Variants in CRADD observed in about 807,000 individuals in gnomAD.
CRADD encodes CARD and death domain containing adaptor protein, also known as death domain-containing protein CRADD.
CRADD carries 9 observed loss-of-function variants against 15.5 expected under a neutral mutation model. The observed-to-expected ratio is 0.58, with a 90% CI of 0.35 to 1.01. CRADD has a LOEUF of 1.01. Ranked by LOEUF, CRADD falls within the 50% of genes least tolerant of loss-of-function variation. The pLI, the probability that CRADD is intolerant of heterozygous loss-of-function variation, is 0.02. For synonymous variants in CRADD, 118 were observed against 107.6 expected (o/e 1.10, Z -0.60); for missense variants, 227 against 250.3 (o/e 0.91, Z 0.63).
At chr12:93,682,745 A>C (rs1955344779) in intron 2 of CRADD, among the ~76,000 whole-genome samples, 1 of 152,314 alleles carries the variant, frequency 6.6e-6, no homozygotes, top group East Asian at 1.9e-4. Flanking sequence ...CAAAACATAC[A>C]AAAACACCCT....
chr12:93,750,798 T>G (rs1834498709), intron 2 of CRADD, among the ~76,000 whole-genome samples: 1 of 152,220 alleles, frequency 6.6e-6, no homozygotes, highest in Admixed American at 6.5e-5. Flanking sequence ...TTATCCAAGT[T>G]ACCTAATTAT....
chr12:93,735,489 C>A (rs1326635096), intron 2 of CRADD: 1 of 152,252 alleles, frequency 6.6e-6, no homozygotes, highest in East Asian at 1.9e-4. Flanking sequence ...ATGTTTATAT[C>A]CTCAAAGAGA....
At chr12:93,740,876 C>T (rs1226357855) in intron 2 of CRADD, among the ~76,000 whole-genome samples, 2 of 152,072 alleles carry the variant, frequency 1.3e-5, no homozygotes, top group Non-Finnish European at 2.9e-5. Context: ...CTTTTAAAAG[C>T]TGTTTGACTT....
intron 2 of CRADD, chr12:93,738,058 C>T: frequency 2.2e-6 from 1 of 464,020 alleles, no homozygotes; most frequent in Non-Finnish European, 3.7e-6. Flanking sequence ...TAAACAGGTC[C>T]CTTTCTATTC....
At chr12:93,820,564 A>G (rs1276363217) in intron 2 of CRADD, among the ~76,000 whole-genome samples, 1 of 150,812 alleles carries the variant, frequency 6.6e-6, no homozygotes, top group African/African-American at 2.4e-5. Flanking sequence ...AAAAAAAAAG[A>G]AAAAAAAGCA....
rs114751951 is a variant in CRADD at position 93,844,238 on chromosome 12, G to A, written c.299-5732G>A. On this transcript the variant is annotated intron_variant, in intron 2 of 2. Transcript: ENST00000332896. ...TTTGAGAAGTAGTAGCCAGATGGTC[G>A]CAGTGGATTAATTTATGGCTTGACC... is the stretch of plus-strand genomic sequence containing the variant. Among the ~76,000 whole-genome samples, 625 of 152,242 alleles carry A rather than the reference G, an allele frequency of 4.1e-3. 8 individuals carry two copies. The highest frequency in any genetic ancestry group is 0.014 in the African/African-American group (590 of 41,544).
intron 2 of CRADD, among the ~76,000 whole-genome samples, chr12:93,747,186 A>T (rs182586806): frequency 1.3e-5 from 2 of 152,304 alleles, no homozygotes; most frequent in East Asian, 3.9e-4. Context: ...CCTATTAAGG[A>T]AGCCAATAAG....
intron 2 of CRADD, among the ~76,000 whole-genome samples, chr12:93,885,107 G>C (rs1414659134): frequency 1.3e-5 from 2 of 152,102 alleles, no homozygotes; most frequent in African/African-American, 4.8e-5. Context: ...CCTGTTTTTC[G>C]TATAAGGAAA....
chr12:93,791,895 A>ATT (rs34088777), intron 2 of CRADD, among the ~76,000 whole-genome samples: 47 of 137,200 alleles, frequency 3.4e-4, no homozygotes, highest in African/African-American at 1.2e-3. Flanking sequence ...GTCCTAATGG[A>ATT]TTTTTTTTTT....
rs369262273 is a variant in CRADD, at chr12:93,771,031, T to A, written c.299-78939T>A. On this transcript the variant is annotated intron_variant, in intron 2 of 2. Coordinates refer to ENST00000332896, the MANE Select transcript of CRADD (RefSeq NM_003805.5). Reference sequence around the variant, plus strand: ...GAAAGTTTTATGTTTTAGTTATTTATCTTCAACATAATTCTTTCCAATGGC... The same window carrying A: ...GAAAGTTTTATGTTTTAGTTATTTAACTTCAACATAATTCTTTCCAATGGC... Among the ~76,000 whole-genome samples, 17 of 152,368 alleles carry A rather than the reference T, an allele frequency of 1.1e-4. No homozygotes were observed. The East Asian group carries it at 1.7e-3, about 16-fold the overall frequency.
intron 2 of CRADD, among the ~76,000 whole-genome samples, chr12:93,712,190 C>G (rs527750367): frequency 2.0e-4 from 31 of 152,208 alleles, no homozygotes; most frequent in African/African-American, 7.5e-4. Flanking sequence ...GTACATACTT[C>G]GTAGAGTTGT....
chr12:93,782,467 A>T (rs1214154311), intron 2 of CRADD, among the ~76,000 whole-genome samples: 2 of 152,068 alleles, frequency 1.3e-5, no homozygotes, highest in Non-Finnish European at 2.9e-5. Flanking sequence ...CATTGTGCAC[A>T]TGTACCTTAA....
intron 2 of CRADD, among the ~76,000 whole-genome samples, chr12:93,798,484 G>T (rs543081962): frequency 4.6e-5 from 7 of 152,208 alleles, no homozygotes; most frequent in African/African-American, 1.7e-4. Context: ...CTATGAGATA[G>T]CAATTATCAG....
intron 2 of CRADD, among the ~76,000 whole-genome samples, chr12:93,836,460 C>G (rs1371865395): frequency 6.6e-6 from 1 of 152,156 alleles, no homozygotes; most frequent in East Asian, 1.9e-4. Context: ...CTGTCTTTCT[C>G]TTTTCAAATG....
At chr12:93,856,229 T>C (rs1242680734) in intron 2 of CRADD, among the ~76,000 whole-genome samples, 1 of 152,244 alleles carries the variant, frequency 6.6e-6, no homozygotes, top group East Asian at 1.9e-4. Context: ...TTATCAGGAC[T>C]CTAAAGATAA....
chr12:93,772,803 TG>T (rs1296185628), intron 2 of CRADD, among the ~76,000 whole-genome samples: 1 of 152,220 alleles, frequency 6.6e-6, no homozygotes, highest in Non-Finnish European at 1.5e-5. Flanking sequence ...CCTTTGCCTC[TG>T]GTTTCCTAGC....
At chr12:93,746,626 T>G (rs140421684) in intron 2 of CRADD, among the ~76,000 whole-genome samples, 2 of 152,338 alleles carry the variant, frequency 1.3e-5, no homozygotes, top group African/African-American at 4.8e-5. Context: ...GTTGCTTGTT[T>G]GAAATTAAGA....
At chr12:93,785,575 G>A (rs888671972) in intron 2 of CRADD, among the ~76,000 whole-genome samples, 6 of 152,182 alleles carry the variant, frequency 3.9e-5, no homozygotes, top group Non-Finnish European at 8.8e-5. Context: ...ACCAAGGAGA[G>A]GATATGTGGA....
chr12:93,880,507 C>T (rs1489425673), intron 2 of CRADD, among the ~76,000 whole-genome samples: 1 of 152,138 alleles, frequency 6.6e-6, no homozygotes, highest in Non-Finnish European at 1.5e-5. Context: ...CTGCGCAGCT[C>T]ACCGTCTTGC....
Sources: gnomAD v4.1 joint callset for allele counts (sites outside exome capture counted in the v4.1 genomes callset) on GRCh38, gnomAD v4.1.1 for gene constraint, MANE v1.5 for transcripts, NCBI Gene and HGNC (gene_info 2026-07-23, HGNC 2026-07-21) for gene names.